The following SIK3 variants were observed in gnomAD, a reference collection of about 807,000 sequenced individuals.
SIK3 encodes serine/threonine-protein kinase SIK3.
In SIK3, 28 loss-of-function variants were observed where a neutral mutation model predicts 144.2. That is an observed-to-expected ratio of 0.19 (90% CI 0.14 to 0.27). The LOEUF (loss-of-function observed/expected upper bound fraction) is 0.27. Among genes scored for constraint, SIK3 ranks in the 10% least tolerant of loss-of-function variants. SIK3 has a pLI of 1.00. For missense variants in SIK3, 1,319 were observed against 1,776.0 expected, an observed-to-expected ratio of 0.74 and a Z score of 4.62; for synonymous variants, 686 against 676.3, an observed-to-expected ratio of 1.01 and a Z score of -0.22.
chr11:116,965,778 TATATAA>T, intron 1 of SIK3, among the ~76,000 whole-genome samples: 1 of 64,156 alleles, frequency 1.6e-5, no homozygotes, highest in East Asian at 3.9e-4. Context: ...TATATATATA[TATATAA>T]ATTAGCCAAA....
intron 6 of SIK3, among the ~76,000 whole-genome samples, chr11:116,877,925 G>C (rs1478566724): frequency 6.6e-6 from 1 of 152,148 alleles, no homozygotes; most frequent in African/African-American, 2.4e-5. Context: ...AGCAATCCTA[G>C]GAGGAATGTA....
At chr11:117,063,586 C>CTTTT (rs769073456) in intron 1 of SIK3, among the ~76,000 whole-genome samples, 1 of 125,926 alleles carries the variant, frequency 7.9e-6, no homozygotes, top group African/African-American at 2.9e-5. Flanking sequence ...AATGAAGTTT[C>CTTTT]TTTTTTTTTT....
chr11:116,969,157 G>A (rs1481589536), intron 1 of SIK3, among the ~76,000 whole-genome samples: 1 of 151,880 alleles, frequency 6.6e-6, no homozygotes, highest in East Asian at 1.9e-4. Flanking sequence ...GGGCGTAGTG[G>A]CAGGCGCCTG....
intron 4 of SIK3, among the ~76,000 whole-genome samples, chr11:116,918,855 A>G (rs761538193): frequency 2.0e-5 from 3 of 152,238 alleles, no homozygotes; most frequent in Non-Finnish European, 4.4e-5. Flanking sequence ...AATAGGATTC[A>G]AGAGAGATAA....
chr11:116,988,281 G>T lies in SIK3; in HGVS notation c.274-31217C>A, dbSNP rs551157021. On this transcript the variant is annotated intron_variant, in intron 1 of 24. Transcript: ENST00000445177. Reference sequence around the variant, plus strand: ...GGCGCCTGTAGTCCCAGCTACTAGGGAGGCTAAGGCAGGAGAATGGCGTGA... The same window carrying T: ...GGCGCCTGTAGTCCCAGCTACTAGGTAGGCTAAGGCAGGAGAATGGCGTGA... Among the ~76,000 whole-genome samples, 3 of 152,152 alleles carry T rather than the reference G, an allele frequency of 2.0e-5. No individual in the cohort carries two copies. In the South Asian group the frequency reaches 6.2e-4, roughly 32 times the overall value.
At chr11:116,981,063 C>T (rs1950123518) in intron 1 of SIK3, among the ~76,000 whole-genome samples, 1 of 152,140 alleles carries the variant, frequency 6.6e-6, no homozygotes, top group African/African-American at 2.4e-5. Context: ...CTGATGGTTA[C>T]CACCGATGTT....
intron 4 of SIK3, among the ~76,000 whole-genome samples, chr11:116,906,099 C>T (rs1017027617): frequency 3.9e-5 from 6 of 152,180 alleles, no homozygotes; most frequent in Non-Finnish European, 7.4e-5. Context: ...GACTTCTGAG[C>T]AGGCAGGTGA....
intron 1 of SIK3, among the ~76,000 whole-genome samples, chr11:116,973,733 C>T (rs749079643): frequency 1.3e-5 from 2 of 152,082 alleles, no homozygotes; most frequent in African/African-American, 4.8e-5. Context: ...ATGAAAATGG[C>T]GCTTTACCTT....
intron 1 of SIK3, among the ~76,000 whole-genome samples, chr11:117,015,179 T>TA (rs1951465886): frequency 6.6e-6 from 1 of 152,084 alleles, no homozygotes; most frequent in African/African-American, 2.4e-5. Context: ...TCACAGCTAA[T>TA]AAACTCATGA....
At chr11:116,892,262 T>C (rs947085157) in intron 6 of SIK3, among the ~76,000 whole-genome samples, 2 of 152,032 alleles carry the variant, frequency 1.3e-5, no homozygotes, top group African/African-American at 2.4e-5. Context: ...ATAAGTCTGG[T>C]AGAGAAGATG....
At chr11:117,067,859 C>T (rs1219255841) in intron 1 of SIK3, among the ~76,000 whole-genome samples, 3 of 151,970 alleles carry the variant, frequency 2.0e-5, no homozygotes, top group Admixed American at 6.6e-5. Flanking sequence ...TGGTGACAGG[C>T]ACCTGTAGTC....
intron 1 of SIK3, among the ~76,000 whole-genome samples, chr11:117,060,261 T>C (rs556969192): frequency 1.3e-5 from 2 of 152,138 alleles, no homozygotes; most frequent in Non-Finnish European, 2.9e-5. Flanking sequence ...CTACATGCAA[T>C]AATGCCATTC....
chr11:117,072,814 C>T (rs1005771838), intron 1 of SIK3, among the ~76,000 whole-genome samples: 5 of 152,176 alleles, frequency 3.3e-5, no homozygotes, highest in African/African-American at 4.8e-5. Context: ...ACTAACAATT[C>T]CCTACAATGG....
chr11:116,905,781 T>C (rs1310334410), intron 4 of SIK3, among the ~76,000 whole-genome samples: 1 of 152,260 alleles, frequency 6.6e-6, no homozygotes. Flanking sequence ...AAATGTCTAT[T>C]CAAATCTTTT....
chr11:117,014,221 G>A (rs1565557163), intron 1 of SIK3, among the ~76,000 whole-genome samples: 1 of 151,180 alleles, frequency 6.6e-6, no homozygotes, highest in Non-Finnish European at 1.5e-5. Flanking sequence ...ATTATTTTAG[G>A]GCAGGAACCA....
At position 116,863,804 on chromosome 11, in the gene SIK3, T is replaced by A; in HGVS notation, c.1967A>T (p.Asp656Val). The change falls in exon 16 of 25, where the codon GAC becomes GTC. Residue 656 changes from aspartate to valine, a missense_variant. Asp to Val is a radical substitution (Grantham distance 152). Around this residue, in one of 8 missense-constraint regions of SIK3, gnomAD observed 47 missense variants for 40.2 expected, o/e 1.17. Transcript: ENST00000445177. Reference protein sequence around the residue: ...VPDQHRSTYKDSNTLHLPTER... With the variant: ...VPDQHRSTYKVSNTLHLPTER... ...CGTAGGGAGGTGCAGAGTGTTGGAG[T>A]CCTTGTAGGTAGAGCTGAATATATG... 1 of 1,610,958 alleles carries A rather than the reference T, an allele frequency of 6.2e-7. No homozygotes were observed. The highest frequency in any genetic ancestry group is 8.5e-7 in the Non-Finnish European group (1 of 1,178,308).
At chr11:116,868,173 G>A (rs1943755295) in intron 14 of SIK3, 84 bp from the exon 15 acceptor site, 2 of 1,517,476 alleles carry the variant, frequency 1.3e-6, no homozygotes, top group South Asian at 2.4e-5. Context: ...TTAATCCAAA[G>A]CACTCAATGA....
chr11:117,096,099 C>T (rs1955460785), intron 1 of SIK3, among the ~76,000 whole-genome samples: 1 of 152,140 alleles, frequency 6.6e-6, no homozygotes, highest in Non-Finnish European at 1.5e-5. Context: ...AATTAGAAAG[C>T]GGGCAGACCA....
chr11:116,942,381 T>C (rs1948355957), intron 3 of SIK3, among the ~76,000 whole-genome samples: 1 of 152,202 alleles, frequency 6.6e-6, no homozygotes, highest in South Asian at 2.1e-4. Context: ...GCATTCCCTG[T>C]AGGCACTATT....
Sources: allele counts gnomAD v4.1 joint callset (sites outside exome capture counted in the v4.1 genomes callset), GRCh38; gene constraint gnomAD v4.1.1; regional missense constraint gnomAD v4.1.1; transcripts MANE v1.5; gene names NCBI Gene and HGNC (gene_info 2026-07-23, HGNC 2026-07-21).